DYM: variants seen among roughly 807,000 people sequenced by gnomAD.
DYM encodes the protein dyggve-Melchior-Clausen syndrome protein.
A neutral mutation model predicts 93.1 loss-of-function variants in DYM; 78 were observed. The observed-to-expected ratio is 0.84, with a 90% CI of 0.70 to 1.01. The LOEUF (loss-of-function observed/expected upper bound fraction) is 1.01. Ranked by LOEUF, DYM falls within the 50% of genes least tolerant of loss-of-function variation. DYM has a pLI of 0.00. For synonymous variants in DYM, 321 were observed against 319.7 expected (o/e 1.00, Z -0.04); for missense variants, 789 against 845.0 (o/e 0.93, Z 0.82).
chr18:49,459,213 C>G (rs1038236156), intron 1 of DYM, among the ~76,000 whole-genome samples: 4 of 152,162 alleles, frequency 2.6e-5, no homozygotes, highest in African/African-American at 9.7e-5. Flanking sequence ...ATCAATTATT[C>G]CAACTCATTT....
At chr18:49,292,608 A>AAAAAAAAAAAAAAAAAC (rs2060226524) in intron 8 of DYM, among the ~76,000 whole-genome samples, 1 of 83,894 alleles carries the variant, frequency 1.2e-5, no homozygotes, top group African/African-American at 6.7e-5. Flanking sequence ...AAAAAAAAAA[A>AAAAAAAAAAAAAAAAAC]AAAAAAAAAA....
At chr18:49,189,095 C>G (rs994275978) in intron 14 of DYM, among the ~76,000 whole-genome samples, 8 of 151,924 alleles carry the variant, frequency 5.3e-5, no homozygotes, top group Non-Finnish European at 8.8e-5. Context: ...TAAGTGGGAG[C>G]CAAACACTGG....
intron 1 of DYM, among the ~76,000 whole-genome samples, chr18:49,445,857 G>A (rs1259960813): frequency 6.6e-6 from 1 of 152,112 alleles, no homozygotes; most frequent in African/African-American, 2.4e-5. Context: ...AAGCAAACTA[G>A]GGGGAGGGAA....
intron 14 of DYM, among the ~76,000 whole-genome samples, chr18:49,203,814 A>C (rs2092299696): frequency 7.5e-6 from 1 of 133,484 alleles, no homozygotes; most frequent in African/African-American, 2.8e-5. Flanking sequence ...ACCCTGCCAA[A>C]TCCCCCTCTG....
intron 6 of DYM, among the ~76,000 whole-genome samples, chr18:49,334,999 A>G (rs1238178229): frequency 1.3e-5 from 2 of 152,050 alleles, no homozygotes; most frequent in African/African-American, 2.4e-5. Context: ...GCCAGCTACT[A>G]GGGAGGCTGA....
intron 13 of DYM, among the ~76,000 whole-genome samples, chr18:49,220,557 A>C (rs2093306497): frequency 6.6e-6 from 1 of 151,400 alleles, no homozygotes; most frequent in Non-Finnish European, 1.5e-5. Context: ...CAAAACAGAG[A>C]TATAGATCAA....
chr18:49,364,974 C>T (rs1317892768), intron 5 of DYM, among the ~76,000 whole-genome samples: 2 of 152,138 alleles, frequency 1.3e-5, no homozygotes, highest in African/African-American at 4.8e-5. Context: ...ATGTTGGTTA[C>T]ATTATGCCAT....
Position 49,456,145 on chromosome 18 carries a change from C to T in DYM, c.-54+4253G>A, listed in dbSNP as rs72642471. 4.4e-3 allele frequency among the ~76,000 whole-genome samples: 667 copies of T among 152,214 alleles called. 27 individuals carry two copies. In the East Asian group the frequency reaches 0.087, roughly 20 times the overall value. On this transcript the variant is annotated intron_variant, in intron 1 of 17. Transcript: ENST00000675505. Reference sequence around the variant, plus strand: ...AACATGGAAATTTTAGCTAGAACTCCAGCAGCCATCTTGGACCCAGAAATC... The same window carrying T: ...AACATGGAAATTTTAGCTAGAACTCTAGCAGCCATCTTGGACCCAGAAATC...
At chr18:49,271,385 A>C (rs922996803) in intron 11 of DYM, among the ~76,000 whole-genome samples, 1 of 152,186 alleles carries the variant, frequency 6.6e-6, no homozygotes. Flanking sequence ...AAAAGGAAAA[A>C]GTCTGTGTGC....
chr18:49,091,125 T>C (rs575939415), intron 17 of DYM, among the ~76,000 whole-genome samples: 2 of 152,238 alleles, frequency 1.3e-5, no homozygotes, highest in East Asian at 3.9e-4. Flanking sequence ...AACAGGCCCA[T>C]TGTTCGTTGG....
chr18:49,092,613 G>A (rs920159460), intron 17 of DYM, among the ~76,000 whole-genome samples: 1 of 152,202 alleles, frequency 6.6e-6, no homozygotes, highest in East Asian at 1.9e-4. Flanking sequence ...CAAAGTGGGG[G>A]TAAAATAACG....
At chr18:49,123,999 T>G (rs1316309594) in intron 15 of DYM, among the ~76,000 whole-genome samples, 3 of 152,220 alleles carry the variant, frequency 2.0e-5, no homozygotes, top group Non-Finnish European at 4.4e-5. Context: ...GTATAAGTGC[T>G]GATATATGAA....
chr18:49,372,257 C>T (rs115817700), intron 5 of DYM, among the ~76,000 whole-genome samples: 1 of 152,084 alleles, frequency 6.6e-6, no homozygotes, highest in African/African-American at 2.4e-5. Flanking sequence ...AATTTTATTG[C>T]TCTTTTATCA....
At chr18:49,440,060 T>C (rs1388186016) in intron 1 of DYM, among the ~76,000 whole-genome samples, 1 of 127,016 alleles carries the variant, frequency 7.9e-6, no homozygotes, top group Admixed American at 8.0e-5. Flanking sequence ...AAATAAAACA[T>C]GATATGCTCA....
Position 49,208,245 on chromosome 18 carries a change from A to G in DYM, c.1625+1306T>C, listed in dbSNP as rs115538684. ...CGTCAATTATCCTGCACATTTCAGA[A>G]GTTCAATGATCAGCAGCAGTTCTCC... On this transcript the variant is annotated intron_variant, in intron 14 of 17. Transcript: ENST00000675505. 3.4e-3 allele frequency among the ~76,000 whole-genome samples: 520 copies of G among 152,100 alleles called. 4 individuals are homozygous for G. The highest frequency in any genetic ancestry group is 0.012 in the African/African-American group (482 of 41,496).
At chr18:49,386,847 G>T (rs2068673575) in intron 3 of DYM, among the ~76,000 whole-genome samples, 1 of 152,052 alleles carries the variant, frequency 6.6e-6, no homozygotes, top group Admixed American at 6.5e-5. Flanking sequence ...CTTGCAGTGA[G>T]CAAGTCTATC....
At chr18:49,259,729 C>A (rs770569977) in intron 11 of DYM, among the ~76,000 whole-genome samples, 1 of 152,182 alleles carries the variant, frequency 6.6e-6, no homozygotes, top group Non-Finnish European at 1.5e-5. Context: ...TGAAATTATA[C>A]GGAAGATTTG....
At chr18:49,120,965 C>T (rs1289216787) in intron 15 of DYM, among the ~76,000 whole-genome samples, 1 of 152,066 alleles carries the variant, frequency 6.6e-6, no homozygotes, top group Non-Finnish European at 1.5e-5. Flanking sequence ...ATAGGTGAGC[C>T]ACTGAACCCA....
chr18:49,155,016 T>C (rs987222036), intron 15 of DYM, among the ~76,000 whole-genome samples: 4 of 152,336 alleles, frequency 2.6e-5, no homozygotes, highest in Non-Finnish European at 4.4e-5. Flanking sequence ...CCCATGTAGA[T>C]TGATTTCATT....
Sources: gnomAD v4.1 joint callset for allele counts (sites outside exome capture counted in the v4.1 genomes callset) on GRCh38, gnomAD v4.1.1 for gene constraint, MANE v1.5 for transcripts, NCBI Gene and HGNC (gene_info 2026-07-23, HGNC 2026-07-21) for gene names.